The following TANC2 variants were observed in gnomAD, a reference collection of about 807,000 sequenced individuals.
The protein encoded by TANC2 is protein TANC2.
Under a neutral mutation model 210.5 loss-of-function variants are expected in TANC2, and 26 were observed. That is an observed-to-expected ratio of 0.12 (90% CI 0.09 to 0.17). The LOEUF (loss-of-function observed/expected upper bound fraction) is 0.17. Ranked by LOEUF, TANC2 falls within the 10% of genes least tolerant of loss-of-function variation. The pLI, the probability that TANC2 is intolerant of heterozygous loss-of-function variation, is 1.00. For synonymous variants in TANC2, 931 were observed against 967.1 expected, an observed-to-expected ratio of 0.96 and a Z score of 0.69; for missense variants, 2,129 against 2,608.9, an observed-to-expected ratio of 0.82 and a Z score of 4.01.
chr17:63,418,464 A>C lies in TANC2; in HGVS notation c.4268+57A>C. 1 of 1,538,058 alleles carries C rather than the reference A, an allele frequency of 6.5e-7. No individual in the cohort carries two copies. Reference sequence around the variant, plus strand: ...GGTCTCTTTTCTGAAAATTTGGCCAAGGCAGCGTCGGCCACCCTGGGGCAT... The same window carrying C: ...GGTCTCTTTTCTGAAAATTTGGCCACGGCAGCGTCGGCCACCCTGGGGCAT... On this transcript the variant is annotated intron_variant, in intron 27 of 27. Transcript: ENST00000689528. This position sits in a 1 kb window ranked among gnomAD's most constrained non-coding sequence, Gnocchi z 4.6.
At chr17:63,361,023 A>G (rs1263233601) in intron 14 of TANC2, among the ~76,000 whole-genome samples, 1 of 152,140 alleles carries the variant, frequency 6.6e-6, no homozygotes, top group African/African-American at 2.4e-5. Context: ...TATGCACCAC[A>G]TTTTGTTTAT....
intron 5 of TANC2, chr17:63,154,652 C>G (rs549026625): frequency 1.4e-4 from 21 of 152,022 alleles, no homozygotes; most frequent in Non-Finnish European, 2.9e-4. Flanking sequence ...GAATGCTTGG[C>G]TCATAGTCAG....
At chr17:63,389,607 T>C (rs1379293632) in intron 17 of TANC2, 63 bp downstream of exon 17, 1 of 1,423,264 alleles carries the variant, frequency 7.0e-7, no homozygotes, top group Admixed American at 2.0e-5. Context: ...GCATACTCTT[T>C]CTTATCTCCA....
intron 5 of TANC2, among the ~76,000 whole-genome samples, chr17:63,156,471 G>A (rs541630189): frequency 6.6e-5 from 10 of 151,360 alleles, no homozygotes; most frequent in African/African-American, 2.2e-4. Flanking sequence ...CAAAAAGCTA[G>A]AAGTTGTATA....
chr17:63,205,607 A>G (rs2041684773), intron 7 of TANC2, among the ~76,000 whole-genome samples: 2 of 152,120 alleles, frequency 1.3e-5, no homozygotes, highest in African/African-American at 2.4e-5. Context: ...AAATGATACT[A>G]TCAAGAGAGC....
At chr17:63,228,895 C>G (rs751749078) in intron 7 of TANC2, among the ~76,000 whole-genome samples, 1 of 152,200 alleles carries the variant, frequency 6.6e-6, no homozygotes, top group Non-Finnish European at 1.5e-5. Flanking sequence ...TTGACTTCCT[C>G]TCTTCCTATT....
rs1567998604 is a variant in TANC2 at position 63,412,654 on chromosome 17, CTT to C, written c.3899-22_3899-21del. On this transcript the variant is annotated intron_variant, in intron 23 of 27. Coordinates refer to ENST00000689528, the Ensembl canonical transcript of TANC2. The surrounding 1 kb of genome is among the most constrained non-coding windows in gnomAD (Gnocchi z 4.2). ...TCCATTTTTTTTTCCTCTCCTACAA[CTT>C]TTTGTTTTCTCCTTTCTTTGAAGGT... 1 of 1,497,674 alleles carries C rather than the reference CTT, an allele frequency of 6.7e-7. No homozygotes were observed. The highest frequency in any genetic ancestry group is 8.9e-7 in the Non-Finnish European group (1 of 1,117,626). 92.8% of individuals were successfully genotyped at this position (1,497,674 alleles called of 1,614,324 possible).
chr17:63,070,850 A>G (rs2036371229), intron 2 of TANC2, among the ~76,000 whole-genome samples: 1 of 152,172 alleles, frequency 6.6e-6, no homozygotes, highest in African/African-American at 2.4e-5. Flanking sequence ...AATGCAAATT[A>G]TTCTAGGTAA....
At chr17:63,076,708 A>G (rs982823375) in intron 3 of TANC2, among the ~76,000 whole-genome samples, 12 of 152,168 alleles carry the variant, frequency 7.9e-5, no homozygotes, top group Non-Finnish European at 1.5e-4. Context: ...ATAAGAGAAA[A>G]TAACCATGAA....
intron 19 of TANC2, among the ~76,000 whole-genome samples, chr17:63,399,544 G>A (rs140093039): frequency 8.7e-4 from 132 of 152,312 alleles, no homozygotes; most frequent in African/African-American, 3.1e-3. Flanking sequence ...AATGATTGTT[G>A]TCTTCCCTCC....
chr17:63,152,659 T>C (rs949293728), intron 5 of TANC2: 2 of 152,182 alleles, frequency 1.3e-5, no homozygotes, highest in African/African-American at 4.8e-5. Flanking sequence ...CAGTCGAATA[T>C]TGTACTTTGC....
intron 1 of TANC2, among the ~76,000 whole-genome samples, chr17:62,977,752 G>A (rs2032089708): frequency 6.6e-6 from 1 of 151,764 alleles, no homozygotes; most frequent in Non-Finnish European, 1.5e-5. Context: ...AACTCTAGGA[G>A]TCAATAAAGA....
At chr17:63,154,264 C>G (rs2039760948) in intron 5 of TANC2, 1 of 152,124 alleles carries the variant, frequency 6.6e-6, no homozygotes. Flanking sequence ...TCTAGGGTCA[C>G]AAGCAGGATT....
chr17:63,011,366 A>G (rs2143851082), intron 2 of TANC2, among the ~76,000 whole-genome samples: 1 of 152,234 alleles, frequency 6.6e-6, no homozygotes, highest in African/African-American at 2.4e-5. Context: ...AGTTAATCAT[A>G]TGGTCAGTTT....
At chr17:62,989,236 G>A (rs909585801) in intron 1 of TANC2, among the ~76,000 whole-genome samples, 1 of 152,126 alleles carries the variant, frequency 6.6e-6, no homozygotes, top group Non-Finnish European at 1.5e-5. Context: ...TACTTAGTTT[G>A]TTCTCAGTAA....
At chr17:63,076,501 A>G (rs559499172) in intron 3 of TANC2, among the ~76,000 whole-genome samples, 2 of 152,198 alleles carry the variant, frequency 1.3e-5, no homozygotes, top group South Asian at 2.1e-4. Context: ...TAAACAGGCC[A>G]GTTAGCTCAC....
chr17:63,359,294 C>A (rs954446703), intron 14 of TANC2, among the ~76,000 whole-genome samples: 16 of 151,826 alleles, frequency 1.1e-4, no homozygotes, highest in Non-Finnish European at 1.5e-4. Flanking sequence ...AAGCCATCCA[C>A]CCACCTTGTC....
At chr17:63,054,146 A>G (rs1406232018) in intron 2 of TANC2, among the ~76,000 whole-genome samples, 2 of 152,186 alleles carry the variant, frequency 1.3e-5, no homozygotes, top group Non-Finnish European at 2.9e-5. Flanking sequence ...TGGTAGTACT[A>G]CTTGTTTCAT....
At chr17:62,989,861 C>T (rs2032768773) in intron 1 of TANC2, among the ~76,000 whole-genome samples, 1 of 148,316 alleles carries the variant, frequency 6.7e-6, no homozygotes, top group Non-Finnish European at 1.5e-5. Context: ...AACCTCGTCT[C>T]CTGGGTTCAA....
Sources: allele counts gnomAD v4.1 joint callset (sites outside exome capture counted in the v4.1 genomes callset), GRCh38; gene constraint gnomAD v4.1.1; non-coding constraint Gnocchi (gnomAD v3.1); transcripts MANE v1.5; gene names NCBI Gene and HGNC (gene_info 2026-07-23, HGNC 2026-07-21).